HDAC9: variants seen among roughly 807,000 people sequenced by gnomAD.
HDAC9 encodes histone deacetylase 9.
A neutral mutation model predicts 139.4 loss-of-function variants in HDAC9; 41 were observed. The ratio of observed to expected loss-of-function variants is 0.29; its 90% confidence interval spans 0.23 to 0.38. The LOEUF (loss-of-function observed/expected upper bound fraction) is 0.38. Among genes scored for constraint, HDAC9 ranks in the 10% least tolerant of loss-of-function variants. HDAC9 has a pLI of 1.00. For synonymous variants in HDAC9, 517 were observed against 476.2 expected, an observed-to-expected ratio of 1.09 and a Z score of -1.12; for missense variants, 1,147 against 1,297.0, an observed-to-expected ratio of 0.88 and a Z score of 1.78.
chr7:18,828,202 A>G (rs1410177806), intron 17 of HDAC9, among the ~76,000 whole-genome samples: 1 of 152,182 alleles, frequency 6.6e-6, no homozygotes, highest in Non-Finnish European at 1.5e-5. Context: ...TTTGAAAAAA[A>G]GTCTTTGGGG....
At chr7:18,540,757 T>C (rs1267391377) in intron 2 of HDAC9, among the ~76,000 whole-genome samples, 1 of 152,222 alleles carries the variant, frequency 6.6e-6, no homozygotes, top group African/African-American at 2.4e-5. Flanking sequence ...AAGACTATTA[T>C]ATTTAGAAAA....
intron 17 of HDAC9, among the ~76,000 whole-genome samples, chr7:18,807,228 T>C (rs529742648): frequency 2.0e-5 from 3 of 152,172 alleles, no homozygotes; most frequent in East Asian, 1.9e-4. Context: ...GGTTATCCAA[T>C]TTGTTGGCAT....
intron 12 of HDAC9, among the ~76,000 whole-genome samples, chr7:18,678,714 A>G (rs1001314376): frequency 1.3e-5 from 2 of 151,852 alleles, no homozygotes; most frequent in African/African-American, 4.8e-5. Flanking sequence ...TGTTTACTTT[A>G]AAGTCCTTTT....
chr7:18,211,070 A>G (rs1233465747), intron 2 of HDAC9, among the ~76,000 whole-genome samples: 1 of 152,230 alleles, frequency 6.6e-6, no homozygotes, highest in East Asian at 1.9e-4. Flanking sequence ...ACTCAGAAGC[A>G]TGTGATTATA....
At chr7:18,350,849 G>T (rs769375561) in intron 1 of HDAC9, among the ~76,000 whole-genome samples, 5 of 152,180 alleles carry the variant, frequency 3.3e-5, no homozygotes, top group African/African-American at 1.2e-4. Context: ...ACGACACTGG[G>T]CATTGACCAC....
intron 1 of HDAC9, among the ~76,000 whole-genome samples, chr7:18,361,661 AT>A (rs1783787915): frequency 6.6e-6 from 1 of 152,260 alleles, no homozygotes; most frequent in South Asian, 2.1e-4. Context: ...TGAGGGTTAG[AT>A]TTCTGTTGAA....
At chr7:18,181,967 G>A (rs17346107) in intron 2 of HDAC9, among the ~76,000 whole-genome samples, 7,630 of 152,220 alleles carry the variant, frequency 0.05, 263 homozygotes, top group Non-Finnish European at 0.071. Context: ...ATTTGAAGAC[G>A]GAAGTGTTTG....
intron 1 of HDAC9, among the ~76,000 whole-genome samples, chr7:18,377,002 G>A (rs969541739): frequency 1.3e-5 from 2 of 152,110 alleles, no homozygotes; most frequent in Non-Finnish European, 2.9e-5. Context: ...ATGAATTAAA[G>A]AGACTGTAAA....
At chr7:18,377,295 C>T (rs1314302725) in intron 1 of HDAC9, among the ~76,000 whole-genome samples, 2 of 152,080 alleles carry the variant, frequency 1.3e-5, no homozygotes, top group Non-Finnish European at 2.9e-5. Flanking sequence ...CAATCACCTA[C>T]CAAAGGCCCA....
Position 18,998,856 on chromosome 7 carries a change from T to C in HDAC9, c.*2794T>C, listed in dbSNP as rs962659826. 7.9e-5 allele frequency: 12 copies of C among 152,202 alleles called. No individual in the cohort carries two copies. Among genetic ancestry groups the C allele is most frequent in the Non-Finnish European group, 1.6e-4 (11 of 68,036 alleles). 9.4% of individuals were successfully genotyped at this position (152,202 alleles called of 1,614,324 possible). A position where few individuals can be genotyped will look rare whatever the true frequency, so the allele number is the denominator to read the frequency against. ...TGATAAATCTACTAGTAAATAATACTAGGAATTTAATAAGCTGTCAAACGT... is the reference window on the plus strand; with the variant it reads ...TGATAAATCTACTAGTAAATAATACCAGGAATTTAATAAGCTGTCAAACGT... On this transcript the variant is annotated 3_prime_UTR_variant, in exon 26 of 26. Transcript: ENST00000686413.
intron 1 of HDAC9, among the ~76,000 whole-genome samples, chr7:18,369,652 C>T (rs908637050): frequency 9.2e-5 from 14 of 152,002 alleles, no homozygotes; most frequent in Non-Finnish European, 1.9e-4. Flanking sequence ...GTGGACTTTG[C>T]AGTACAGGAG....
In HDAC9 at chr7:18,575,971, G is replaced by T. The variant is rs183778525; in HGVS notation, c.23-9310G>T. 2.0e-5 allele frequency among the ~76,000 whole-genome samples: 3 copies of T among 152,288 alleles called. No homozygotes were observed. The East Asian group carries it at 5.8e-4, about 29-fold the overall frequency. On this transcript the variant is annotated intron_variant, in intron 2 of 25. Coordinates refer to ENST00000686413, the MANE Select transcript of HDAC9 (RefSeq NM_178425.4). ...GTAAAGATAGACAAATGAATGTTAT[G>T]AAAAGAACTGAGAAATTTAATGGGA... is the stretch of plus-strand genomic sequence containing the variant.
At chr7:18,489,529 G>A (rs768772735) in intron 1 of HDAC9, among the ~76,000 whole-genome samples, 2 of 151,866 alleles carry the variant, frequency 1.3e-5, no homozygotes, top group Non-Finnish European at 2.9e-5. Flanking sequence ...ATTTAGGGAA[G>A]ACTTGAAGAA....
intron 1 of HDAC9, among the ~76,000 whole-genome samples, chr7:18,100,082 G>A (rs1562618464): frequency 6.6e-6 from 1 of 151,878 alleles, no homozygotes; most frequent in African/African-American, 2.4e-5. Context: ...CCTTATTTTT[G>A]TTGGATATAG....
At chr7:18,099,734 A>G (rs1237011181) in intron 1 of HDAC9, among the ~76,000 whole-genome samples, 1 of 152,194 alleles carries the variant, frequency 6.6e-6, no homozygotes, top group Non-Finnish European at 1.5e-5. Context: ...GATCTGAAAT[A>G]TTGTTGTGTG....
intron 15 of HDAC9, 97 bp downstream of exon 15, chr7:18,762,374 C>G: frequency 7.2e-7 from 1 of 1,397,480 alleles, no homozygotes; most frequent in African/African-American, 1.4e-5. Context: ...AGTAGTGCAA[C>G]AAAAAATCAG....
chr7:18,535,819 C>G (rs1332582765), intron 2 of HDAC9, among the ~76,000 whole-genome samples: 1 of 147,108 alleles, frequency 6.8e-6, no homozygotes, highest in Non-Finnish European at 1.5e-5. Flanking sequence ...CAGAACTTAG[C>G]AAACAAAACA....
chr7:18,868,500 T>C (rs1047864222), intron 21 of HDAC9, among the ~76,000 whole-genome samples: 1 of 152,186 alleles, frequency 6.6e-6, no homozygotes, highest in African/African-American at 2.4e-5. Flanking sequence ...CTGACACTTT[T>C]TTAATTTCTT....
At chr7:18,180,294 C>T (rs1362408561) in intron 2 of HDAC9, among the ~76,000 whole-genome samples, 3 of 150,842 alleles carry the variant, frequency 2.0e-5, no homozygotes, top group Non-Finnish European at 4.4e-5. Flanking sequence ...AACCTATGGA[C>T]ATTTGCTGCT....
Sources: allele counts gnomAD v4.1 joint callset (sites outside exome capture counted in the v4.1 genomes callset), GRCh38; gene constraint gnomAD v4.1.1; transcripts MANE v1.5; gene names NCBI Gene and HGNC (gene_info 2026-07-23, HGNC 2026-07-21).